Variants in PHKA1 observed in about 807,000 individuals in gnomAD.
The protein encoded by PHKA1 is phosphorylase kinase regulatory subunit alpha 1.
Under a neutral mutation model 110.2 loss-of-function variants are expected in PHKA1, and 60 were observed. The ratio of observed to expected loss-of-function variants is 0.54; its 90% CI spans 0.44 to 0.68. The LOEUF (loss-of-function observed/expected upper bound fraction) is 0.68. Ranked by LOEUF, PHKA1 falls within the 30% of genes least tolerant of loss-of-function variation. The pLI is 0.00. For synonymous variants in PHKA1, 316 were observed against 333.6 expected (o/e 0.95, Z 0.58); for missense variants, 801 against 942.5 (o/e 0.85, Z 1.97).
At chrX:72,698,317 GAAA>G (rs782522348) in intron 3 of PHKA1, among the ~76,000 whole-genome samples, 218 of 112,062 alleles carry the variant, frequency 1.9e-3, no homozygotes, top group African/African-American at 6.7e-3. Context: ...TTGGCTTAAA[GAAA>G]AATAAAAGCA....
At chrX:72,621,625 T>C (rs2052981002) in intron 18 of PHKA1, 1 of 181,089 alleles carries the variant, frequency 5.5e-6, no homozygotes, top group African/African-American at 3.1e-5. Flanking sequence ...CAGTCATGAG[T>C]CTTCTGGTTT....
chrX:72,711,510 C>T (rs1444135010), intron 2 of PHKA1, among the ~76,000 whole-genome samples: 2 of 110,956 alleles, frequency 1.8e-5, no homozygotes, highest in Non-Finnish European at 3.8e-5. Context: ...TTTGGGAGGC[C>T]GAGGCGGGCA....
chrX:72,693,267 G>A (rs1324271442), intron 4 of PHKA1, among the ~76,000 whole-genome samples: 1 of 112,099 alleles, frequency 8.9e-6, no homozygotes, highest in Non-Finnish European at 1.9e-5. Flanking sequence ...GTGCCATTGA[G>A]CTAGTATATG....
intron 4 of PHKA1, among the ~76,000 whole-genome samples, chrX:72,690,916 C>A (rs1211780647): frequency 9.0e-6 from 1 of 111,264 alleles, no homozygotes; most frequent in East Asian, 2.8e-4. Context: ...TACAGGAACA[C>A]ACCACCACGC....
chrX:72,711,613 A>G (rs1164299261), intron 2 of PHKA1, among the ~76,000 whole-genome samples: 2 of 111,130 alleles, frequency 1.8e-5, no homozygotes, highest in East Asian at 5.7e-4. Context: ...GCGTGGTGGC[A>G]CGCGCATGTA....
At chrX:72,701,890 G>A (rs951744409) in intron 3 of PHKA1, among the ~76,000 whole-genome samples, 6 of 111,824 alleles carry the variant, frequency 5.4e-5, no homozygotes, top group African/African-American at 9.8e-5. Context: ...AGGGGAAACC[G>A]GAGAGAGAAA....
At chrX:72,695,080 C>T (rs1435003787) in intron 4 of PHKA1, among the ~76,000 whole-genome samples, 1 of 110,784 alleles carries the variant, frequency 9.0e-6, no homozygotes, top group Non-Finnish European at 1.9e-5. Context: ...TGAGGGAATT[C>T]CCACCCTGGA....
At chrX:72,659,199 G>C (rs1446860282) in intron 8 of PHKA1, among the ~76,000 whole-genome samples, 2 of 111,515 alleles carry the variant, frequency 1.8e-5, no homozygotes, top group Non-Finnish European at 3.8e-5. Flanking sequence ...CCAATACTAT[G>C]ATAGTTATTT....
At chrX:72,690,484 G>C (rs1336106795) in intron 4 of PHKA1, among the ~76,000 whole-genome samples, 2 of 111,120 alleles carry the variant, frequency 1.8e-5, no homozygotes, top group African/African-American at 6.6e-5. Flanking sequence ...GTCCTTATAA[G>C]AAGAGGAAGA....
chrX:72,617,437 T>C (rs2052914497), intron 21 of PHKA1, among the ~76,000 whole-genome samples: 1 of 111,033 alleles, frequency 9.0e-6, no homozygotes, highest in African/African-American at 3.3e-5. Context: ...GGAGGATCAC[T>C]TGAGACTGGG....
chrX:72,635,190 G>A lies in PHKA1; in HGVS notation c.1679C>T (p.Pro560Leu). ...LCSRWRMTGQ[P>L]TITFPISHSM... ...GTGTGAGATGGGGAAGGTGATGGTGGGCTGGCCTGTCATCCGCCAGCGGCT... is the reference window on the plus strand; with the variant it reads ...GTGTGAGATGGGGAAGGTGATGGTGAGCTGGCCTGTCATCCGCCAGCGGCT... The change falls in exon 16 of 32, where the codon CCC (proline) becomes CTC (leucine). Residue 560 changes from proline (P) to leucine (L), a missense_variant. By Grantham distance (98) the Pro-to-Leu change is moderately conservative (BLOSUM62 -3). Coordinates refer to ENST00000373542, the MANE Select transcript of PHKA1 (RefSeq NM_002637.4). The A allele has an allele frequency of 1.7e-6, 2 of 1,211,648 alleles. No homozygotes were observed. Among genetic ancestry groups the A allele is most frequent in the Non-Finnish European group, 2.2e-6 (2 of 895,369 alleles).
rs1381680502 is a variant in PHKA1 at position 72,589,322 on chromosome X, A to G, written c.3243+3782T>C. On this transcript the variant is annotated intron_variant, in intron 29 of 31. Transcript: ENST00000373542. ...CATCACATAAACAGAACCATCGACA[A>G]AAACCACATGATTAACTCAATAGAT... Among the ~76,000 whole-genome samples the G allele has an allele frequency of 3.6e-5, 4 of 112,138 alleles. No homozygotes were observed. In the East Asian group the frequency reaches 1.1e-3, roughly 31 times the overall value.
At chrX:72,622,003 G>C in intron 18 of PHKA1, 1 of 749,425 alleles carries the variant, frequency 1.3e-6, no homozygotes, top group Non-Finnish European at 1.6e-6. Context: ...ACCCATAGAA[G>C]AGCAAACAAT....
At chrX:72,646,041 C>T (rs2053355464) in intron 13 of PHKA1, among the ~76,000 whole-genome samples, 1 of 112,132 alleles carries the variant, frequency 8.9e-6, no homozygotes, top group African/African-American at 3.2e-5. Flanking sequence ...AACAGCATGG[C>T]TGCATGTATA....
intron 6 of PHKA1, 136 bp from the exon 7 acceptor site, chrX:72,667,609 A>ATTATTTATTCCC: frequency 5.9e-6 from 3 of 511,430 alleles, no homozygotes; most frequent in Non-Finnish European, 1.0e-5. Context: ...ATACAAAAAC[A>ATTATTTATTCCC]TTATTTATTC....
intron 29 of PHKA1, among the ~76,000 whole-genome samples, chrX:72,590,345 A>T (rs1219282946): frequency 8.9e-6 from 1 of 111,971 alleles, no homozygotes; most frequent in African/African-American, 3.3e-5. Flanking sequence ...TATTTAATAA[A>T]TGGTGCTGGG....
At position 72,689,245 on chromosome X, in the gene PHKA1, G is replaced by A. The variant is rs142811502; in HGVS notation, c.455-4665C>T. ...GTTTTTAGTGTATGCACAGTTATGCGACCATCACCACAATCAATTTTAGAA... is the reference window on the plus strand; with the variant it reads ...GTTTTTAGTGTATGCACAGTTATGCAACCATCACCACAATCAATTTTAGAA... On this transcript the variant is annotated intron_variant, in intron 4 of 31. Transcript: ENST00000373542. 3.0e-4 allele frequency among the ~76,000 whole-genome samples: 34 copies of A among 111,678 alleles called. No individual in the cohort carries two copies. In the East Asian group the frequency reaches 9.0e-3, roughly 30 times the overall value.
chrX:72,669,694 T>C (rs1286120915), intron 6 of PHKA1, among the ~76,000 whole-genome samples: 4 of 109,191 alleles, frequency 3.7e-5, no homozygotes, highest in Non-Finnish European at 3.8e-5. Flanking sequence ...TCCATGTCCC[T>C]ACAAAGGACA....
chrX:72,698,113 A>C (rs1377675452), intron 3 of PHKA1, among the ~76,000 whole-genome samples: 1 of 110,753 alleles, frequency 9.0e-6, no homozygotes, highest in African/African-American at 3.3e-5. Flanking sequence ...GTTTCCTTCA[A>C]TGTGCAAATT....
Sources: allele counts gnomAD v4.1 joint callset (sites outside exome capture counted in the v4.1 genomes callset), GRCh38; gene constraint gnomAD v4.1.1; transcripts MANE v1.5; gene names NCBI Gene and HGNC (gene_info 2026-07-23, HGNC 2026-07-21).